Variants in ATP12A observed in about 807,000 individuals in gnomAD.
The protein encoded by ATP12A is potassium-transporting ATPase alpha chain 2.
Under a neutral mutation model 111.2 loss-of-function variants are expected in ATP12A, and 81 were observed. The observed-to-expected ratio is 0.73, with a 90% CI of 0.61 to 0.88. The LOEUF (loss-of-function observed/expected upper bound fraction) is 0.88, where lower values mean the gene tolerates loss of function less well. Ranked by LOEUF, ATP12A falls within the 40% of genes least tolerant of loss-of-function variation. ATP12A has a pLI of 0.00. For synonymous variants in ATP12A, 498 were observed against 499.8 expected, an observed-to-expected ratio of 1.00 and a Z score of 0.05; for missense variants, 1,196 against 1,313.1, an observed-to-expected ratio of 0.91 and a Z score of 1.38.
At chr13:24,687,767 G>C (rs1874723370) in intron 3 of ATP12A, among the ~76,000 whole-genome samples, 1 of 152,250 alleles carries the variant, frequency 6.6e-6, no homozygotes, top group Non-Finnish European at 1.5e-5. Flanking sequence ...CATGCTCTCT[G>C]TGCAGGATTC....
chr13:24,708,961 G>GAAAGAAAGA (rs879357811), intron 17 of ATP12A, among the ~76,000 whole-genome samples: 35 of 118,282 alleles, frequency 3.0e-4, no homozygotes, highest in South Asian at 1.0e-3. Flanking sequence ...AAGAAAGAAA[G>GAAAGAAAGA]AAGGAAAGAG....
chr13:24,689,441 G>A, intron 5 of ATP12A, 66 bp downstream of exon 5: 2 of 1,402,748 alleles, frequency 1.4e-6, no homozygotes, highest in Non-Finnish European at 2.0e-6. Context: ...CAGCTGGGAG[G>A]GGCACAGGGC....
Position 24,680,723 on chromosome 13 carries a change from C to CCG in ATP12A, c.-18_-17dup, listed in dbSNP as rs1874398026. ...CGGATCCGCGCTCCACGCCCGCAGCCCGCGGCGCCACCAGCCCAGCATGCA... is the reference window on the plus strand; with the variant it reads ...CGGATCCGCGCTCCACGCCCGCAGCCCGCGCGGCGCCACCAGCCCAGCATGCA... On this transcript the variant is annotated 5_prime_UTR_variant, in exon 1 of 23. Transcript: ENST00000381946. 4 of 1,501,878 alleles carry CCG rather than the reference C, an allele frequency of 2.7e-6. No homozygotes were observed. Among genetic ancestry groups the CCG allele is most frequent in the Non-Finnish European group, 2.6e-6 (3 of 1,132,940 alleles). 93.0% of individuals were successfully genotyped at this position (1,501,878 alleles called of 1,614,324 possible). A position where few individuals can be genotyped will look rare whatever the true frequency, so the allele number is the denominator to read the frequency against.
chr13:24,686,153 C>T (rs1475772710), intron 3 of ATP12A, among the ~76,000 whole-genome samples: 1 of 152,140 alleles, frequency 6.6e-6, no homozygotes, highest in Non-Finnish European at 1.5e-5. Context: ...AAAGACATTA[C>T]AGGGGCCAGA....
chr13:24,689,658 AG>A (rs1874797903), intron 5 of ATP12A, among the ~76,000 whole-genome samples: 1 of 152,164 alleles, frequency 6.6e-6, no homozygotes, highest in Non-Finnish European at 1.5e-5. Flanking sequence ...GACCTGTGGA[AG>A]GTCAGGGAGT....
In ATP12A at chr13:24,691,166, G is replaced by A. The variant is rs750573597; in HGVS notation, c.984G>A (p.Leu328=). The change falls in exon 8 of 23, where the codon CTG becomes CTA. Residue 328 remains leucine, a synonymous_variant. Coordinates refer to ENST00000381946, the MANE Select transcript of ATP12A (RefSeq NM_001676.7). Reference sequence around the variant, plus strand: ...TTTTCTTCATCATCGCTGTGTCCCTGAAGTATCAAGTCCTGGACTCCATCA... The same window carrying A: ...TTTTCTTCATCATCGCTGTGTCCCTAAAGTATCAAGTCCTGGACTCCATCA... ...GILFFIIAVS[L]KYQVLDSIIF... 5 of 1,614,160 alleles carry A rather than the reference G, an allele frequency of 3.1e-6. No individual in the cohort carries two copies. The highest frequency in any genetic ancestry group is 1.1e-5 in the South Asian group (1 of 91,076).
At chr13:24,682,959 CTT>C (rs34361489) in intron 2 of ATP12A, among the ~76,000 whole-genome samples, 5,431 of 138,998 alleles carry the variant, frequency 0.039, 340 homozygotes, top group African/African-American at 0.13. Context: ...TAAAACTAGC[CTT>C]TTTTTTTTTT....
At chr13:24,681,397 G>A (rs557321114) in intron 1 of ATP12A, among the ~76,000 whole-genome samples, 165 bp from the exon 2 acceptor site, 1 of 152,116 alleles carries the variant, frequency 6.6e-6, no homozygotes, top group African/African-American at 2.4e-5. Flanking sequence ...GGCGGGAGGT[G>A]GGGGAGAGAC....
At position 24,690,464 on chromosome 13, in the gene ATP12A, G is replaced by T. The variant is rs1232554396; in HGVS notation, c.673G>T (p.Gly225Trp). The change falls in exon 6 of 23, where the codon GGG becomes TGG. Residue 225 changes from glycine to tryptophan, a missense_variant. By Grantham distance (184) the Gly-to-Trp change is radical (BLOSUM62 -2). Around this residue, in one of 3 missense-constraint regions of ATP12A, gnomAD observed 1,126 missense variants for 1,228.5 expected, o/e 0.92. Transcript: ENST00000381946. ...PADIRVLSSQ[G>W]CRVDNSSLTG... ...AGACATCAGGGTGCTGTCTTCTCAG[G>T]GGTGTCGGGTAAGCGGCAAGGGGTA... 1.9e-6 allele frequency: 3 copies of T among 1,613,798 alleles called. No homozygotes were observed. Among genetic ancestry groups the T allele is most frequent in the Non-Finnish European group, 2.5e-6 (3 of 1,179,916 alleles).
intron 17 of ATP12A, 144 bp from the exon 18 acceptor site, chr13:24,709,220 C>A: frequency 1.1e-6 from 1 of 890,940 alleles, no homozygotes; most frequent in Non-Finnish European, 1.7e-6. Flanking sequence ...GACAACACGC[C>A]CTCTACTGCC....
At chr13:24,688,866 G>A (rs7988856) in intron 4 of ATP12A, among the ~76,000 whole-genome samples, 35,451 of 151,984 alleles carry the variant, frequency 0.23, 4,594 homozygotes, top group East Asian at 0.48. Context: ...ATTGGCCAAC[G>A]TGATGCCAAG....
intron 20 of ATP12A, 68 bp from the exon 21 acceptor site, chr13:24,710,723 TG>T: frequency 6.3e-7 from 1 of 1,599,296 alleles, no homozygotes; most frequent in Non-Finnish European, 8.6e-7. Context: ...TCTGGTGGCA[TG>T]GTCTGCTGGG....
intron 2 of ATP12A, among the ~76,000 whole-genome samples, chr13:24,682,196 A>T (rs117743431): frequency 2.5e-5 from 1 of 39,554 alleles, no homozygotes. Flanking sequence ...TGTGTGTGGT[A>T]TATATGTGTG....
In ATP12A at chr13:24,699,204, A is replaced by G. The variant is rs528063592; in HGVS notation, c.1705+354A>G. Among the ~76,000 whole-genome samples the G allele has an allele frequency of 5.8e-4, 88 of 152,308 alleles. 2 individuals are homozygous for G. In the South Asian group the frequency reaches 0.018, roughly 31 times the overall value. ...GTGGGGCACATTGGGTGCTGCCAGC[A>G]GGTGAGATGGCACTGTCACAGAAAC... On this transcript the variant is annotated intron_variant, in intron 12 of 22. Coordinates refer to ENST00000381946, the MANE Select transcript of ATP12A (RefSeq NM_001676.7).
intron 17 of ATP12A, among the ~76,000 whole-genome samples, chr13:24,707,777 C>T (rs1236344267): frequency 6.6e-6 from 1 of 152,176 alleles, no homozygotes; most frequent in Non-Finnish European, 1.5e-5. Context: ...CTCCCAGGCT[C>T]AAGTGATTCT....
chr13:24,683,177 C>T (rs1398350281), intron 2 of ATP12A, among the ~76,000 whole-genome samples: 2 of 152,138 alleles, frequency 1.3e-5, no homozygotes, highest in Admixed American at 6.5e-5. Flanking sequence ...AGGCTGCTCT[C>T]GAACTCCTGA....
At chr13:24,708,956 A>AG (rs1875825232) in intron 17 of ATP12A, among the ~76,000 whole-genome samples, 1 of 135,114 alleles carries the variant, frequency 7.4e-6, no homozygotes. Context: ...AAAGAAAGAA[A>AG]GAAAGAAGGA....
In ATP12A at chr13:24,685,722, CA is replaced by C. The variant is rs1226638708; in HGVS notation, c.228+352del. Among the ~76,000 whole-genome samples the C allele has an allele frequency of 6.6e-6, 1 of 152,178 alleles. No individual in the cohort carries two copies. The highest frequency in any genetic ancestry group is 1.5e-5 in the Non-Finnish European group (1 of 68,030). ...AAGAAGTAGAAACGCTATGCTGGGACAAAGGTGGATTCTGATGGAAGGGGCC... is the reference window on the plus strand; with the variant it reads ...AAGAAGTAGAAACGCTATGCTGGGACAAGGTGGATTCTGATGGAAGGGGCC... On this transcript the variant is annotated intron_variant, in intron 3 of 22. Coordinates refer to ENST00000381946, the MANE Select transcript of ATP12A (RefSeq NM_001676.7). The surrounding 1 kb of genome is among the most constrained non-coding windows in gnomAD (Gnocchi z 5.5).
chr13:24,700,640 G>C, intron 12 of ATP12A, 107 bp from the exon 13 acceptor site: 1 of 976,562 alleles, frequency 1.0e-6, no homozygotes, highest in Non-Finnish European at 1.5e-6. Context: ...TTATTCTAAT[G>C]TATTGGTAAA....
Sources: gnomAD v4.1 joint callset for allele counts (sites outside exome capture counted in the v4.1 genomes callset) on GRCh38, gnomAD v4.1.1 for gene constraint, gnomAD v4.1.1 regional missense constraint, Gnocchi (gnomAD v3.1) non-coding constraint, MANE v1.5 for transcripts, NCBI Gene and HGNC (gene_info 2026-07-23, HGNC 2026-07-21) for gene names.